SGSM1: variants seen among roughly 807,000 people sequenced by gnomAD.
The protein encoded by SGSM1 is RUN and TBC1 domain containing 2.
A neutral mutation model predicts 133.8 loss-of-function variants in SGSM1; 73 were observed. The ratio of observed to expected loss-of-function variants is 0.55; its 90% CI spans 0.45 to 0.66. SGSM1 has a LOEUF of 0.66. Among genes scored for constraint, SGSM1 ranks in the 30% least tolerant of loss-of-function variants. The pLI, the probability that SGSM1 is intolerant of heterozygous loss-of-function variation, is 0.00. For missense variants in SGSM1, 1,213 were observed against 1,448.1 expected, an observed-to-expected ratio of 0.84 and a Z score of 2.64; for synonymous variants, 563 against 573.0, an observed-to-expected ratio of 0.98 and a Z score of 0.25.
In SGSM1 at chr22:24,895,434, T is replaced by C; in HGVS notation, c.2022+143T>C. The C allele has an allele frequency of 1.3e-5, 11 of 871,720 alleles. No homozygotes were observed. The South Asian group carries it at 1.8e-4, about 14-fold the overall frequency. 54.0% of individuals were successfully genotyped at this position (871,720 alleles called of 1,614,324 possible). A position where few individuals can be genotyped will look rare whatever the true frequency, so the allele number is the denominator to read the frequency against. The stretch of plus-strand genomic sequence containing the variant: ...TATATTAGCATTAAACATTGTTTTT[T>C]GTTTTTTGTTTAGTAATGCAAGAAA... On this transcript the variant is annotated intron_variant, in intron 18 of 24. Coordinates refer to ENST00000400358, the MANE Select transcript of SGSM1 (RefSeq NM_001098497.3).
At chr22:24,915,800 AG>A (rs1043220832) in intron 22 of SGSM1, among the ~76,000 whole-genome samples, 1 of 152,134 alleles carries the variant, frequency 6.6e-6, no homozygotes, top group Non-Finnish European at 1.5e-5. Flanking sequence ...CTCTTCATTC[AG>A]TTTTTTTCAT....
Position 24,870,185 on chromosome 22 carries a change from G to T in SGSM1, c.1291+1330G>T, listed in dbSNP as rs142385509. Among the ~76,000 whole-genome samples the T allele has an allele frequency of 4.5e-3, 681 of 152,320 alleles. 5 individuals are homozygous for T. Among genetic ancestry groups the T allele is most frequent in the African/African-American group, 0.015 (613 of 41,566 alleles). The stretch of plus-strand genomic sequence containing the variant: ...ATGTCTGTTCCTGCCCTGGATCAGG[G>T]CCTCCCAGCCACTCCATGGAACCAG... On this transcript the variant is annotated intron_variant, in intron 12 of 24. Coordinates refer to ENST00000400358, the MANE Select transcript of SGSM1 (RefSeq NM_001098497.3).
At position 24,919,882 on chromosome 22, in the gene SGSM1, G is replaced by A. The variant is rs200716605; in HGVS notation, c.3082G>A (p.Val1028Ile). Reference sequence around the variant, plus strand: ...GGAGACCATCTGGGCAGCCAAACACGTCTCCTCTGCGCACTACGTCCTGTT... The same window carrying A: ...GGAGACCATCTGGGCAGCCAAACACATCTCCTCTGCGCACTACGTCCTGTT... ...VWETIWAAKH[V>I]SSAHYVLFIA... is the part of the protein sequence containing the mutation. The change falls in exon 24 of 25, where the codon GTC becomes ATC. Residue 1028 changes from valine (V) to isoleucine (I), a missense_variant. By Grantham distance (29) the Val-to-Ile change is conservative. Coordinates refer to ENST00000400358, the MANE Select transcript of SGSM1 (RefSeq NM_001098497.3). 302 of 1,614,066 alleles carry A rather than the reference G, an allele frequency of 1.9e-4. No homozygotes were observed. Among genetic ancestry groups the A allele is most frequent in the Non-Finnish European group, 2.4e-4 (288 of 1,179,896 alleles).
In SGSM1 at chr22:24,899,811, A is replaced by G. The variant is rs111568012; in HGVS notation, c.2610+1252A>G. ...GCTGGGATTACAGGCGTGAGCCTCC[A>G]TGCCTAGCTTGCTTCTCTTTTTTAT... is the stretch of plus-strand genomic sequence containing the variant. On this transcript the variant is annotated intron_variant, in intron 19 of 24. Coordinates refer to ENST00000400358, the MANE Select transcript of SGSM1 (RefSeq NM_001098497.3). Among the ~76,000 whole-genome samples the G allele has an allele frequency of 3.8e-3, 582 of 151,986 alleles. 4 individuals are homozygous for G. Among genetic ancestry groups the G allele is most frequent in the African/African-American group, 0.013 (546 of 41,494 alleles).
At chr22:24,908,455 G>A (rs146089566) in intron 21 of SGSM1, among the ~76,000 whole-genome samples, 12 of 152,254 alleles carry the variant, frequency 7.9e-5, no homozygotes, top group African/African-American at 2.6e-4. Context: ...AGTCATATGC[G>A]TGATAAAGGA....
intron 5 of SGSM1, among the ~76,000 whole-genome samples, chr22:24,851,138 G>A (rs553016231): frequency 1.8e-4 from 27 of 151,552 alleles, no homozygotes; most frequent in African/African-American, 6.3e-4. Context: ...GAAAATGCAT[G>A]GTGAGCCTTT....
intron 2 of SGSM1, among the ~76,000 whole-genome samples, chr22:24,817,584 C>A (rs1928174599): frequency 6.6e-6 from 1 of 152,156 alleles, no homozygotes; most frequent in South Asian, 2.1e-4. Context: ...AACTACTGAC[C>A]TCGCGATCTT....
At chr22:24,917,294 C>T (rs1441391703) in intron 22 of SGSM1, among the ~76,000 whole-genome samples, 2 of 152,128 alleles carry the variant, frequency 1.3e-5, no homozygotes, top group African/African-American at 4.8e-5. Flanking sequence ...CAGCACACAC[C>T]ATTTTACATT....
chr22:24,919,535 C>G (rs1475870097), intron 23 of SGSM1, among the ~76,000 whole-genome samples: 2 of 152,124 alleles, frequency 1.3e-5, no homozygotes, highest in Admixed American at 1.3e-4. Context: ...GTAATTCATA[C>G]CTGCACGTGC....
Position 24,898,080 on chromosome 22 carries a change from G to A in SGSM1, c.2131G>A (p.Asp711Asn). The A allele has an allele frequency of 6.2e-7, 1 of 1,613,982 alleles. No homozygotes were observed. The highest frequency in any genetic ancestry group is 8.5e-7 in the Non-Finnish European group (1 of 1,179,890). Residue 711 changes from aspartate (D) to asparagine (N), a missense_variant, in exon 19 of 25, where the codon GAC becomes AAC. Asp to Asn is a conservative substitution (Grantham distance 23). Transcript: ENST00000400358. ...GNLVNGTCSPDSGHPSSHNFS... is the reference protein window; with the variant it reads ...GNLVNGTCSPNSGHPSSHNFS... ...CCTAGTGAACGGCACTTGTTCCCCA[G>A]ACTCGGGTCATCCTTCCTCCCATAA...
chr22:24,921,969 G>T (rs1447824279), intron 24 of SGSM1, among the ~76,000 whole-genome samples: 1 of 151,918 alleles, frequency 6.6e-6, no homozygotes. Context: ...CCAAAGTACT[G>T]GGATTACAGG....
chr22:24,847,726 G>A lies in SGSM1; in HGVS notation c.232G>A (p.Gly78Ser), dbSNP rs1407820934. The A allele has an allele frequency of 1.9e-6, 3 of 1,613,906 alleles. No homozygotes were observed. The highest frequency in any genetic ancestry group is 2.7e-5 in the African/African-American group (2 of 75,024). The change falls in exon 4 of 25, where the codon GGC (glycine) becomes AGC (serine). Residue 78 changes from glycine to serine, a missense_variant. Coordinates refer to ENST00000400358, the MANE Select transcript of SGSM1 (RefSeq NM_001098497.3). ...NKIAALFMKV[G>S]KNFPPAEDLS... The stretch of plus-strand genomic sequence containing the variant: ...GATTGCAGCCCTCTTTATGAAAGTG[G>A]GCAAGAACTTCCCGCCGGCTGAGGA...
intron 2 of SGSM1, among the ~76,000 whole-genome samples, chr22:24,827,128 C>A (rs182143356): frequency 6.6e-6 from 1 of 152,138 alleles, no homozygotes; most frequent in East Asian, 1.9e-4. Context: ...TAAACCCAGC[C>A]CAGTGTGGGG....
intron 4 of SGSM1, 33 bp from the exon 5 acceptor site, chr22:24,850,247 A>G (rs370945208): frequency 6.5e-7 from 1 of 1,539,390 alleles, no homozygotes; most frequent in Non-Finnish European, 8.8e-7. Flanking sequence ...TGCTCTTGTG[A>G]GTATCTATTC....
intron 17 of SGSM1, among the ~76,000 whole-genome samples, chr22:24,894,252 A>G (rs1246850982): frequency 2.0e-5 from 3 of 152,158 alleles, no homozygotes; most frequent in African/African-American, 7.2e-5. Flanking sequence ...TAAAAATACA[A>G]AAATTAGCTG....
chr22:24,829,329 G>C (rs1928979565), intron 2 of SGSM1, among the ~76,000 whole-genome samples: 2 of 152,100 alleles, frequency 1.3e-5, no homozygotes, highest in Non-Finnish European at 2.9e-5. Context: ...AGAGCTAAAT[G>C]ATGAGAACGT....
intron 9 of SGSM1, among the ~76,000 whole-genome samples, chr22:24,864,626 C>T (rs1931348959): frequency 6.6e-6 from 1 of 152,188 alleles, no homozygotes; most frequent in South Asian, 2.1e-4. Flanking sequence ...GAAAAAGGCA[C>T]ATCTGTGGAG....
At chr22:24,838,763 G>A (rs1929621003) in intron 2 of SGSM1, among the ~76,000 whole-genome samples, 1 of 151,634 alleles carries the variant, frequency 6.6e-6, no homozygotes, top group African/African-American at 2.4e-5. Context: ...ACATTGTTTT[G>A]ATTTCTGTAG....
intron 21 of SGSM1, among the ~76,000 whole-genome samples, chr22:24,908,588 G>T (rs74682017): frequency 0.11 from 17,236 of 152,080 alleles, 1,230 homozygotes; most frequent in African/African-American, 0.19. Flanking sequence ...AGATCACGAG[G>T]TCAGAAGATC....
Sources: gnomAD v4.1 joint callset for allele counts (sites outside exome capture counted in the v4.1 genomes callset) on GRCh38, gnomAD v4.1.1 for gene constraint, MANE v1.5 for transcripts, NCBI Gene and HGNC (gene_info 2026-07-23, HGNC 2026-07-21) for gene names.